The following NIM1K variants were observed in gnomAD, a reference collection of about 807,000 sequenced individuals.
The protein encoded by NIM1K is NIM1 serine/threonine protein kinase.
In NIM1K, 35 loss-of-function variants were observed where a neutral mutation model predicts 37.1. The ratio of observed to expected loss-of-function variants is 0.94; its 90% CI spans 0.72 to 1.25. The LOEUF (loss-of-function observed/expected upper bound fraction) is 1.25, where lower values mean the gene tolerates loss of function less well. Ranked by LOEUF, NIM1K falls within the 50% of genes most tolerant of loss-of-function variation. The pLI is 0.00. For missense variants in NIM1K, 564 were observed against 548.0 expected (o/e 1.03, Z -0.29); for synonymous variants, 234 against 206.6 (o/e 1.13, Z -1.14).
chr5:43,202,859 C>T (rs532716665), intron 1 of NIM1K, among the ~76,000 whole-genome samples: 1 of 152,220 alleles, frequency 6.6e-6, no homozygotes, highest in Non-Finnish European at 1.5e-5. Context: ...GACCTCACAA[C>T]ATACCTGGTT....
chr5:43,269,181 G>T (rs1554016985), intron 2 of NIM1K, among the ~76,000 whole-genome samples: 5 of 149,928 alleles, frequency 3.3e-5, no homozygotes, highest in Non-Finnish European at 5.9e-5. Context: ...CATGGTGGGG[G>T]CACCTGTAAT....
chr5:43,263,463 T>A (rs1753068349), intron 2 of NIM1K, among the ~76,000 whole-genome samples: 2 of 152,142 alleles, frequency 1.3e-5, no homozygotes, highest in African/African-American at 2.4e-5. Flanking sequence ...ATATCCCCTT[T>A]ATCATTTTTT....
chr5:43,219,023 C>T (rs1054106329), intron 1 of NIM1K, among the ~76,000 whole-genome samples: 4 of 152,190 alleles, frequency 2.6e-5, no homozygotes, highest in Admixed American at 1.3e-4. Flanking sequence ...AGTTCTCATG[C>T]GATCTGACGC....
chr5:43,277,815 T>TGTGTGAGA (rs532526440), intron 3 of NIM1K, among the ~76,000 whole-genome samples: 46 of 128,970 alleles, frequency 3.6e-4, no homozygotes, highest in African/African-American at 1.1e-3. Context: ...TGTGTGTGTG[T>TGTGTGAGA]GAGAGAGAGA....
chr5:43,267,070 A>G lies in NIM1K; in HGVS notation c.293-9987A>G, dbSNP rs370106332. Among the ~76,000 whole-genome samples the G allele has an allele frequency of 1.4e-4, 22 of 152,316 alleles. No individual in the cohort carries two copies. In the East Asian group the frequency reaches 1.9e-3, roughly 13 times the overall value. Reference sequence around the variant, plus strand: ...TCTGGTAGAATTCAGCTATGAATCCATCTGGCCCTAGGCTTTTTTGTTGCT... The same window carrying G: ...TCTGGTAGAATTCAGCTATGAATCCGTCTGGCCCTAGGCTTTTTTGTTGCT... On this transcript the variant is annotated intron_variant, in intron 2 of 3. Transcript: ENST00000326035.
chr5:43,259,270 A>G (rs1752993330), intron 2 of NIM1K, among the ~76,000 whole-genome samples: 1 of 152,192 alleles, frequency 6.6e-6, no homozygotes, highest in Middle Eastern at 3.2e-3. Flanking sequence ...GGAGATACCC[A>G]GTAGGGGATT....
intron 3 of NIM1K, among the ~76,000 whole-genome samples, chr5:43,277,744 T>TTCTC (rs139332282): frequency 4.1e-5 from 6 of 147,936 alleles, no homozygotes; most frequent in East Asian, 2.0e-4. Context: ...CCCAGCTTGG[T>TTCTC]TCTCTCTCTC....
At chr5:43,255,183 G>A (rs572316710) in intron 2 of NIM1K, among the ~76,000 whole-genome samples, 1 of 152,316 alleles carries the variant, frequency 6.6e-6, no homozygotes, top group South Asian at 2.1e-4. Flanking sequence ...TGGAAGATGG[G>A]CAGGACATGA....
At chr5:43,258,021 C>G (rs1453625313) in intron 2 of NIM1K, among the ~76,000 whole-genome samples, 1 of 152,114 alleles carries the variant, frequency 6.6e-6, no homozygotes, top group Non-Finnish European at 1.5e-5. Context: ...TGAAAAGACC[C>G]ATGGAAGCAC....
chr5:43,232,502 T>C (rs1018435924), intron 1 of NIM1K: 2 of 1,533,518 alleles, frequency 1.3e-6, no homozygotes, highest in Non-Finnish European at 9.0e-7. Context: ...CAGTTTAGTA[T>C]AGGTTGGGCG....
At chr5:43,234,406 A>C (rs1752588106) in intron 1 of NIM1K, among the ~76,000 whole-genome samples, 1 of 152,210 alleles carries the variant, frequency 6.6e-6, no homozygotes, top group Non-Finnish European at 1.5e-5. Flanking sequence ...TTAGATATAC[A>C]CAAAAATGGT....
chr5:43,221,143 A>G (rs1752374725), intron 1 of NIM1K, among the ~76,000 whole-genome samples: 1 of 152,150 alleles, frequency 6.6e-6, no homozygotes, highest in African/African-American at 2.4e-5. Flanking sequence ...TGTGGTGTTG[A>G]TGGGGCAGAG....
chr5:43,274,504 C>T (rs756866271), intron 2 of NIM1K, among the ~76,000 whole-genome samples: 8 of 152,180 alleles, frequency 5.3e-5, no homozygotes, highest in Non-Finnish European at 7.3e-5. Flanking sequence ...CTACACAAAA[C>T]CAGGTTTCTG....
At chr5:43,277,790 G>A (rs1017948761) in intron 3 of NIM1K, among the ~76,000 whole-genome samples, 9 of 146,614 alleles carry the variant, frequency 6.1e-5, no homozygotes, top group African/African-American at 2.3e-4. Context: ...GTGTGTGTGT[G>A]TGTGTGTGTG....
intron 1 of NIM1K, among the ~76,000 whole-genome samples, chr5:43,212,524 A>G (rs918334066): frequency 6.6e-6 from 1 of 152,152 alleles, no homozygotes; most frequent in African/African-American, 2.4e-5. Flanking sequence ...ATGAGGCTCC[A>G]GAAGCAACCC....
Position 43,280,542 on chromosome 5 carries a change from A to G in NIM1K, c.1124A>G (p.Gln375Arg). ...ACAGAAGAGCATATTCGAAATAACC[A>G]AGGGAGAGATGCTCGCAGCTCAATC... ...GITEEHIRNN[Q>R]GRDARSSITG... The change falls in exon 4 of 4, where the codon CAA becomes CGA. Residue 375 changes from glutamine to arginine, a missense_variant. Gln to Arg is a conservative substitution (Grantham distance 43). Transcript: ENST00000326035. The G allele has an allele frequency of 6.2e-7, 1 of 1,614,190 alleles. No homozygotes were observed. Among genetic ancestry groups the G allele is most frequent in the Non-Finnish European group, 8.5e-7 (1 of 1,180,034 alleles).
chr5:43,199,426 C>G (rs139446259), intron 1 of NIM1K, among the ~76,000 whole-genome samples: 1 of 151,914 alleles, frequency 6.6e-6, no homozygotes, highest in African/African-American at 2.4e-5. Flanking sequence ...TCTAGATAAG[C>G]AATTAAGAGC....
Position 43,277,132 on chromosome 5 carries a change from C to T in NIM1K, c.368C>T (p.Ser123Phe). Reference protein sequence around the residue: ...KTQRLLSREISSMEKLHHPNI... With the variant: ...KTQRLLSREIFSMEKLHHPNI... Reference sequence around the variant, plus strand: ...CAGAGGCTACTATCCCGAGAAATCTCCAGCATGGAAAAGCTGCACCATCCC... The same window carrying T: ...CAGAGGCTACTATCCCGAGAAATCTTCAGCATGGAAAAGCTGCACCATCCC... The change falls in exon 3 of 4, where the codon TCC becomes TTC. Residue 123 changes from serine to phenylalanine, a missense_variant. Coordinates refer to ENST00000326035, the MANE Select transcript of NIM1K (RefSeq NM_153361.4). 6.2e-7 allele frequency: 1 copy of T among 1,614,104 alleles called. No individual in the cohort carries two copies. Among genetic ancestry groups the T allele is most frequent in the Non-Finnish European group, 8.5e-7 (1 of 1,179,996 alleles).
intron 1 of NIM1K, among the ~76,000 whole-genome samples, chr5:43,238,288 C>T (rs1253905450): frequency 2.0e-5 from 3 of 151,900 alleles, no homozygotes; most frequent in Non-Finnish European, 4.4e-5. Context: ...GTGATCTGCC[C>T]GCCTTCAGCC....
Sources: allele counts gnomAD v4.1 joint callset (sites outside exome capture counted in the v4.1 genomes callset), GRCh38; gene constraint gnomAD v4.1.1; transcripts MANE v1.5; gene names NCBI Gene and HGNC (gene_info 2026-07-23, HGNC 2026-07-21).